The following AGFG1 variants were observed in gnomAD, a reference collection of about 807,000 sequenced individuals.
AGFG1 encodes the protein arf-GAP domain and FG repeat-containing protein 1.
AGFG1 carries 10 observed loss-of-function variants against 60.6 expected under a neutral mutation model. That is an observed-to-expected ratio of 0.16 (90% CI 0.10 to 0.28). The LOEUF is 0.28. AGFG1 is among the 10% of genes least tolerant of loss of function. AGFG1 has a pLI of 1.00. For synonymous variants in AGFG1, 247 were observed against 242.9 expected (o/e 1.02, Z -0.16); for missense variants, 537 against 676.5 (o/e 0.79, Z 2.29).
At chr2:227,508,696 T>TC in intron 2 of AGFG1, 1 of 446,154 alleles carries the variant, frequency 2.2e-6, no homozygotes, top group South Asian at 1.7e-5. Context: ...GGATTTTTTT[T>TC]TTTTTCTTTT....
intron 1 of AGFG1, among the ~76,000 whole-genome samples, chr2:227,490,059 C>T (rs978768748): frequency 9.9e-5 from 15 of 151,994 alleles, no homozygotes; most frequent in African/African-American, 2.4e-4. Context: ...CAGGTGAGCT[C>T]GTCGTCTCGG....
intron 2 of AGFG1, among the ~76,000 whole-genome samples, chr2:227,517,097 C>T (rs1691673197): frequency 6.6e-6 from 1 of 152,132 alleles, no homozygotes; most frequent in Non-Finnish European, 1.5e-5. Context: ...GTATTTCTGG[C>T]AGTAAGTTGT....
At chr2:227,497,826 C>T (rs1691030464) in intron 2 of AGFG1, among the ~76,000 whole-genome samples, 1 of 145,954 alleles carries the variant, frequency 6.9e-6, no homozygotes, top group Non-Finnish European at 1.5e-5. Context: ...CTCACTGCAA[C>T]CTCCACCTCC....
At chr2:227,540,197 G>GTTT (rs56275707) in intron 10 of AGFG1, among the ~76,000 whole-genome samples, 12 of 145,498 alleles carry the variant, frequency 8.2e-5, no homozygotes, top group East Asian at 8.0e-4. Context: ...TGGGGCTTTA[G>GTTT]TTTTTTTTTT....
chr2:227,508,582 G>C (rs1320445986), intron 2 of AGFG1: 4 of 467,798 alleles, frequency 8.6e-6, no homozygotes, highest in Non-Finnish European at 1.8e-5. Context: ...ATTTTTCCTT[G>C]AAACCTTGCA....
At chr2:227,501,154 A>G (rs866642129) in intron 2 of AGFG1, among the ~76,000 whole-genome samples, 7 of 151,626 alleles carry the variant, frequency 4.6e-5, no homozygotes, top group Non-Finnish European at 8.8e-5. Context: ...GATCTTGGCT[A>G]ACTGCAACTT....
chr2:227,489,994 T>C (rs528197010), intron 1 of AGFG1, among the ~76,000 whole-genome samples: 1 of 152,088 alleles, frequency 6.6e-6, no homozygotes, highest in South Asian at 2.1e-4. Context: ...TTTTGTATTT[T>C]TAGTAAAGAC....
intron 10 of AGFG1, among the ~76,000 whole-genome samples, chr2:227,537,450 G>A (rs1692346695): frequency 6.6e-6 from 1 of 152,076 alleles, no homozygotes; most frequent in African/African-American, 2.4e-5. Flanking sequence ...TAATTATTAG[G>A]TCTTTTTCTA....
intron 10 of AGFG1, among the ~76,000 whole-genome samples, chr2:227,551,321 CGT>C (rs200599917): frequency 4.6e-5 from 7 of 150,676 alleles, no homozygotes; most frequent in East Asian, 1.9e-4. Flanking sequence ...GGGTGGGAGT[CGT>C]GTGTGTGTGT....
intron 2 of AGFG1, chr2:227,510,583 G>A (rs903825731): frequency 1.3e-5 from 2 of 152,192 alleles, no homozygotes; most frequent in African/African-American, 4.8e-5. Context: ...GACTGCCCAG[G>A]TCCCAGATAG....
chr2:227,503,452 C>G (rs548134128), intron 2 of AGFG1, among the ~76,000 whole-genome samples: 1 of 152,312 alleles, frequency 6.6e-6, no homozygotes, highest in Admixed American at 6.5e-5. Context: ...GGTTGACCAA[C>G]TAAAGCCTGT....
At chr2:227,552,158 T>A in intron 11 of AGFG1, 41 bp downstream of exon 11, 1 of 1,608,154 alleles carries the variant, frequency 6.2e-7, no homozygotes, top group Non-Finnish European at 8.5e-7. Context: ...TCATTTTATG[T>A]ATCCTTTTTA....
intron 2 of AGFG1, among the ~76,000 whole-genome samples, chr2:227,519,338 TGATGAA>T (rs1332323695): frequency 2.0e-5 from 3 of 152,232 alleles, no homozygotes; most frequent in African/African-American, 4.8e-5. Flanking sequence ...TTTTTTATTT[TGATGAA>T]GTCTGCTTTA....
intron 1 of AGFG1, among the ~76,000 whole-genome samples, chr2:227,484,250 G>A (rs551150491): frequency 4.0e-5 from 6 of 151,090 alleles, no homozygotes; most frequent in Admixed American, 6.6e-5. Context: ...GTGCAGTGGC[G>A]TGATCTCGGC....
At chr2:227,502,818 A>T (rs1691198800) in intron 2 of AGFG1, among the ~76,000 whole-genome samples, 1 of 152,174 alleles carries the variant, frequency 6.6e-6, no homozygotes, top group Non-Finnish European at 1.5e-5. Flanking sequence ...TCTCAAATTA[A>T]TTTTAGTGTA....
intron 7 of AGFG1, 81 bp from the exon 8 acceptor site, chr2:227,534,764 T>C (rs7588620): frequency 0.82 from 1,191,513 of 1,451,370 alleles, 489,972 homozygotes; most frequent in South Asian, 0.89. Context: ...TAAGTTTACC[T>C]GTGTTTCATG....
chr2:227,510,080 C>G (rs1691450155), intron 2 of AGFG1, among the ~76,000 whole-genome samples: 1 of 152,100 alleles, frequency 6.6e-6, no homozygotes, highest in Non-Finnish European at 1.5e-5. Flanking sequence ...TATGACTTCA[C>G]TAATAATAAG....
intron 2 of AGFG1, among the ~76,000 whole-genome samples, chr2:227,495,381 T>C (rs1690943179): frequency 6.6e-6 from 1 of 151,728 alleles, no homozygotes; most frequent in Non-Finnish European, 1.5e-5. Context: ...ATCCCATCTC[T>C]CCAAAAATTT....
intron 5 of AGFG1, among the ~76,000 whole-genome samples, chr2:227,527,212 A>G (rs1329881622): frequency 1.3e-5 from 2 of 151,880 alleles, no homozygotes; most frequent in Non-Finnish European, 2.9e-5. Flanking sequence ...CAAATTACCT[A>G]ACATTTCTAA....
Sources: allele counts gnomAD v4.1 joint callset (sites outside exome capture counted in the v4.1 genomes callset), GRCh38; gene constraint gnomAD v4.1.1; transcripts MANE v1.5; gene names NCBI Gene and HGNC (gene_info 2026-07-23, HGNC 2026-07-21).